The following FAM83D variants were observed in gnomAD, a reference collection of about 807,000 sequenced individuals.
The protein encoded by FAM83D is protein FAM83D.
Under a neutral mutation model 25.4 loss-of-function variants are expected in FAM83D, and 26 were observed. The ratio of observed to expected loss-of-function variants is 1.02; its 90% confidence interval spans 0.75 to 1.42. The LOEUF is 1.42. Ranked by LOEUF, FAM83D falls within the 40% of genes most tolerant of loss-of-function variation. The pLI, the probability that FAM83D is intolerant of heterozygous loss-of-function variation, is 0.00. For synonymous variants in FAM83D, 310 were observed against 318.5 expected (o/e 0.97, Z 0.28); for missense variants, 740 against 758.1 (o/e 0.98, Z 0.28).
In FAM83D at chr20:38,931,571, G is replaced by A. The variant is rs568996607; in HGVS notation, c.483+4646G>A. ...AGAGCACGGTCGAACCTCAGTGTTC[G>A]CTCCATGCAGCTTTATCTGCCTTCA... On this transcript the variant is annotated intron_variant, in intron 1 of 3. Transcript: ENST00000619850. 1.1e-4 allele frequency among the ~76,000 whole-genome samples: 16 copies of A among 152,330 alleles called. No homozygotes were observed. In the East Asian group the frequency reaches 3.1e-3, roughly 29 times the overall value.
rs373154123 is a variant in FAM83D at position 38,947,896 on chromosome 20, C to T, written c.672C>T (p.Ile224=). ...EQEKLMTVRT[I]TGNIYYARSG... is the part of the protein sequence containing the mutation. ...AACAGTTAATGACAGTTCGGACTAT[C>T]ACAGGAAATATCTACTATGCAAGGT... The change falls in exon 3 of 4, where the codon ATC becomes ATT. Residue 224 remains isoleucine, a synonymous_variant. Coordinates refer to ENST00000619850, the MANE Select transcript of FAM83D (RefSeq NM_030919.3). 2 of 1,614,122 alleles carry T rather than the reference C, an allele frequency of 1.2e-6. No homozygotes were observed. The highest frequency in any genetic ancestry group is 1.1e-5 in the South Asian group (1 of 91,072).
At chr20:38,938,047 A>G (rs1268907423) in intron 1 of FAM83D, among the ~76,000 whole-genome samples, 1 of 152,216 alleles carries the variant, frequency 6.6e-6, no homozygotes, top group Admixed American at 6.5e-5. Context: ...CAGGGGAAGA[A>G]AAAAACCTCC....
chr20:38,927,487 T>C (rs2085641090), intron 1 of FAM83D, among the ~76,000 whole-genome samples: 1 of 151,026 alleles, frequency 6.6e-6, no homozygotes, highest in African/African-American at 2.4e-5. Context: ...CTGCCGCTTT[T>C]TCTTTCTTGT....
intron 1 of FAM83D, among the ~76,000 whole-genome samples, chr20:38,940,986 A>G (rs2085699634): frequency 6.6e-6 from 1 of 152,200 alleles, no homozygotes; most frequent in South Asian, 2.1e-4. Context: ...GACATTTGAA[A>G]CAGCTGTAAT....
intron 2 of FAM83D, among the ~76,000 whole-genome samples, chr20:38,943,461 G>GGGTC (rs1486301750): frequency 6.6e-6 from 1 of 152,170 alleles, no homozygotes; most frequent in Non-Finnish European, 1.5e-5. Flanking sequence ...AGTGGGCCTA[G>GGGTC]GGTCTGCCTC....
At chr20:38,931,263 G>T (rs1192104057) in intron 1 of FAM83D, among the ~76,000 whole-genome samples, 1 of 152,260 alleles carries the variant, frequency 6.6e-6, no homozygotes. Flanking sequence ...AGAAAACGAG[G>T]TGGTCAGTTT....
At chr20:38,934,901 T>C (rs1421695731) in intron 1 of FAM83D, among the ~76,000 whole-genome samples, 3 of 152,236 alleles carry the variant, frequency 2.0e-5, no homozygotes, top group African/African-American at 7.2e-5. Flanking sequence ...GATTCAGTTC[T>C]GTCATCTTGG....
intron 1 of FAM83D, among the ~76,000 whole-genome samples, chr20:38,930,979 AGGCTGGT>A (rs2085656733): frequency 6.6e-6 from 1 of 151,998 alleles, no homozygotes; most frequent in Non-Finnish European, 1.5e-5. Flanking sequence ...CATGTTGCCC[AGGCTGGT>A]GTTGAACTCC....
Position 38,942,067 on chromosome 20 carries a change from C to T in FAM83D, c.592C>T (p.Leu198Phe), listed in dbSNP as rs1443354021. ...TGTGTATATCCTTCTGGACCAGGCTCTCCTCTCTCAATTTCTGGATATGTG... is the reference window on the plus strand; with the variant it reads ...TGTGTATATCCTTCTGGACCAGGCTTTCCTCTCTCAATTTCTGGATATGTG... ...VAVYILLDQA[L>F]LSQFLDMCMD... The change falls in exon 2 of 4, where the codon CTC becomes TTC. Residue 198 changes from leucine to phenylalanine, a missense_variant. Coordinates refer to ENST00000619850, the MANE Select transcript of FAM83D (RefSeq NM_030919.3). 1 of 1,614,202 alleles carries T rather than the reference C, an allele frequency of 6.2e-7. No individual in the cohort carries two copies. The highest frequency in any genetic ancestry group is 1.7e-5 in the Admixed American group (1 of 60,026).
At chr20:38,930,756 T>C (rs2085655671) in intron 1 of FAM83D, among the ~76,000 whole-genome samples, 1 of 152,082 alleles carries the variant, frequency 6.6e-6, no homozygotes, top group Non-Finnish European at 1.5e-5. Context: ...CAAGCGATTC[T>C]CCTACCTCAG....
At chr20:38,946,503 A>G (rs916268401) in intron 2 of FAM83D, among the ~76,000 whole-genome samples, 2 of 152,188 alleles carry the variant, frequency 1.3e-5, no homozygotes, top group Admixed American at 6.5e-5. Flanking sequence ...GTGCCATGTT[A>G]TCGTCATGCA....
At chr20:38,938,314 T>C (rs911036913) in intron 1 of FAM83D, among the ~76,000 whole-genome samples, 1 of 152,234 alleles carries the variant, frequency 6.6e-6, no homozygotes, top group African/African-American at 2.4e-5. Context: ...TGGGTTTTTC[T>C]GATCTCTGTT....
intron 2 of FAM83D, among the ~76,000 whole-genome samples, chr20:38,943,569 C>T (rs2085712492): frequency 6.6e-6 from 1 of 152,186 alleles, no homozygotes; most frequent in African/African-American, 2.4e-5. Context: ...ATGTCTATTT[C>T]TCTGATTCTG....
intron 2 of FAM83D, among the ~76,000 whole-genome samples, chr20:38,947,031 GCT>G (rs1236072239): frequency 1.3e-5 from 2 of 152,092 alleles, no homozygotes; most frequent in African/African-American, 4.8e-5. Flanking sequence ...CATAGTAGGG[GCT>G]CTCTATGTTT....
At chr20:38,929,348 CAG>C (rs959949894) in intron 1 of FAM83D, among the ~76,000 whole-genome samples, 24 of 152,246 alleles carry the variant, frequency 1.6e-4, no homozygotes, top group African/African-American at 5.1e-4. Context: ...TGATGGGAAA[CAG>C]TGAGGAGTTT....
At chr20:38,950,232 A>C (rs1247705594) in intron 3 of FAM83D, among the ~76,000 whole-genome samples, 2 of 152,222 alleles carry the variant, frequency 1.3e-5, no homozygotes, top group African/African-American at 4.8e-5. Context: ...TAAAGAAAAA[A>C]GAAATCTCTG....
At chr20:38,944,127 G>A (rs1008356392) in intron 2 of FAM83D, among the ~76,000 whole-genome samples, 1 of 152,154 alleles carries the variant, frequency 6.6e-6, no homozygotes, top group East Asian at 1.9e-4. Context: ...TATCTATTAT[G>A]CACTGGGTAC....
Position 38,934,277 on chromosome 20 carries a change from C to T in FAM83D, c.483+7352C>T, listed in dbSNP as rs550389470. Among the ~76,000 whole-genome samples the T allele has an allele frequency of 2.0e-5, 3 of 152,126 alleles. No individual in the cohort carries two copies. In the East Asian group the frequency reaches 5.8e-4, roughly 29 times the overall value. ...TACTTCAGGAAAAAAGCAAGCAAAA[C>T]CCAAAAATGTAGTGGATATATTGGC... On this transcript the variant is annotated intron_variant, in intron 1 of 3. Coordinates refer to ENST00000619850, the MANE Select transcript of FAM83D (RefSeq NM_030919.3).
chr20:38,947,444 G>A (rs1213665888), intron 2 of FAM83D, among the ~76,000 whole-genome samples: 1 of 152,180 alleles, frequency 6.6e-6, no homozygotes, highest in African/African-American at 2.4e-5. Context: ...AAACAAACAA[G>A]TTGGAGGAAG....
Sources: gnomAD v4.1 joint callset for allele counts (sites outside exome capture counted in the v4.1 genomes callset) on GRCh38, gnomAD v4.1.1 for gene constraint, MANE v1.5 for transcripts, NCBI Gene and HGNC (gene_info 2026-07-23, HGNC 2026-07-21) for gene names.